CDKN2B-AS1: variants seen among roughly 807,000 people sequenced by gnomAD.
CDKN2B-AS1 encodes CDKN2B and CDKN2A antisense cis and trans regulatory RNA 1.
At chr9:22,101,665 A>AAC (rs748040681) in intron 4 of CDKN2B-AS1, among the ~76,000 whole-genome samples, 26,667 of 125,220 alleles carry the variant, frequency 0.21, 3,041 homozygotes, top group African/African-American at 0.33. Context: ...AACCCTCTTC[A>AAC]ACACACACAC....
At chr9:22,059,951 A>G (rs1298962421) in intron 4 of CDKN2B-AS1, among the ~76,000 whole-genome samples, 1 of 152,180 alleles carries the variant, frequency 6.6e-6, no homozygotes, top group Non-Finnish European at 1.5e-5. Context: ...GACACAGGGC[A>G]CTAAATCCCT....
chr9:22,102,864 T>G (rs1423148100), intron 4 of CDKN2B-AS1, among the ~76,000 whole-genome samples: 2 of 152,158 alleles, frequency 1.3e-5, no homozygotes, highest in Non-Finnish European at 2.9e-5. Context: ...CTGCCCTGCT[T>G]TATCAGCATT....
chr9:22,011,894 C>A (rs892097248), intron 1 of CDKN2B-AS1, among the ~76,000 whole-genome samples: 1 of 152,050 alleles, frequency 6.6e-6, no homozygotes, highest in South Asian at 2.1e-4. Flanking sequence ...TTGTCAGAGC[C>A]ATGTCTTTTA....
intron 3 of CDKN2B-AS1, among the ~76,000 whole-genome samples, chr9:22,054,822 G>A (rs115939893): frequency 0.087 from 13,061 of 150,448 alleles, 576 homozygotes; most frequent in Middle Eastern, 0.14. Context: ...CTCTGTCTCA[G>A]CTCACTGTAA....
chr9:22,051,409 T>G (rs1326855700), intron 3 of CDKN2B-AS1, among the ~76,000 whole-genome samples: 2 of 152,324 alleles, frequency 1.3e-5, no homozygotes, highest in South Asian at 2.1e-4. Flanking sequence ...GAGTTATGCT[T>G]ATAAGAGTAA....
intron 1 of CDKN2B-AS1, among the ~76,000 whole-genome samples, chr9:22,040,106 C>T (rs767367185): frequency 1.8e-4 from 27 of 152,122 alleles, no homozygotes; most frequent in African/African-American, 5.1e-4. Flanking sequence ...TAATCTCAGA[C>T]GTCTAGCTTC....
In CDKN2B-AS1 at chr9:22,001,641, TG is replaced by T. The variant is rs1820922956; in HGVS notation, n.29+6481del. ...TATTATGTAATTAATAGGGCCTATA[TG>T]TGAAAGTTACTGTGTTTCTGTAAAA... On this transcript the variant is annotated intron_variant and non_coding_transcript_variant, in intron 1 of 4. Coordinates refer to ENST00000650946, the Ensembl canonical transcript of CDKN2B-AS1. The surrounding 1 kb of genome is among the most constrained non-coding windows in gnomAD (Gnocchi z 4.2). Among the ~76,000 whole-genome samples, 2 of 152,144 alleles carry T rather than the reference TG, an allele frequency of 1.3e-5. No individual in the cohort carries two copies. Among genetic ancestry groups the T allele is most frequent in the Non-Finnish European group, 2.9e-5 (2 of 67,980 alleles).
At chr9:22,065,141 A>G (rs1170133785) in intron 4 of CDKN2B-AS1, among the ~76,000 whole-genome samples, 3 of 152,188 alleles carry the variant, frequency 2.0e-5, no homozygotes, top group Admixed American at 6.5e-5. Context: ...TTTGATGTGG[A>G]CTGGCATTCT....
intron 1 of CDKN2B-AS1, among the ~76,000 whole-genome samples, chr9:22,017,413 C>G (rs1189940936): frequency 1.3e-5 from 2 of 152,192 alleles, no homozygotes; most frequent in South Asian, 2.1e-4. Context: ...CCGTTTCACA[C>G]AAACCCAACT....
exon 5 of CDKN2B-AS1, among the ~76,000 whole-genome samples, chr9:22,127,893 T>A (rs75916091): frequency 6.6e-6 from 1 of 151,958 alleles, no homozygotes; most frequent in East Asian, 1.9e-4. Flanking sequence ...AAAAGTAGAG[T>A]GGTGAAATAA....
chr9:22,089,944 A>G (rs1307112943), intron 4 of CDKN2B-AS1, among the ~76,000 whole-genome samples: 2 of 151,452 alleles, frequency 1.3e-5, no homozygotes, highest in Non-Finnish European at 2.9e-5. Context: ...GTCATTTAAT[A>G]TTAGGTATAT....
chr9:22,106,378 G>T (rs1405610855), intron 4 of CDKN2B-AS1, among the ~76,000 whole-genome samples: 1 of 152,074 alleles, frequency 6.6e-6, no homozygotes, highest in Non-Finnish European at 1.5e-5. Context: ...ACTGTGCCCG[G>T]CCTAATTTTT....
At chr9:22,114,430 A>G (rs1331678735) in intron 4 of CDKN2B-AS1, among the ~76,000 whole-genome samples, 1 of 152,212 alleles carries the variant, frequency 6.6e-6, no homozygotes, top group Non-Finnish European at 1.5e-5. Context: ...ACCTTGTGGG[A>G]GAAAATGGAG....
intron 4 of CDKN2B-AS1, among the ~76,000 whole-genome samples, chr9:22,115,645 T>C (rs186101615): frequency 4.6e-5 from 7 of 151,818 alleles, no homozygotes; most frequent in African/African-American, 1.4e-4. Flanking sequence ...AACAAGTACA[T>C]GGGGTAGCAA....
At position 22,077,345 on chromosome 9, in the gene CDKN2B-AS1, A is replaced by T. The variant is rs573778877; in HGVS notation, n.438+20958A>T. Among the ~76,000 whole-genome samples the T allele has an allele frequency of 5.3e-5, 8 of 152,290 alleles. No individual in the cohort carries two copies. The East Asian group carries it at 1.5e-3, about 29-fold the overall frequency. ...CATGTAAATATTTAAAATTTGGGGTATATGTTATAGTACATGCCATTTAGG... is the reference window on the plus strand; with the variant it reads ...CATGTAAATATTTAAAATTTGGGGTTTATGTTATAGTACATGCCATTTAGG... On this transcript the variant is annotated intron_variant and non_coding_transcript_variant, in intron 4 of 4. Coordinates refer to ENST00000650946, the Ensembl canonical transcript of CDKN2B-AS1.
chr9:22,017,957 T>C (rs1460410270), intron 1 of CDKN2B-AS1, among the ~76,000 whole-genome samples: 1 of 152,232 alleles, frequency 6.6e-6, no homozygotes, highest in Non-Finnish European at 1.5e-5. Context: ...CTAGTGTTAA[T>C]GTTAGAATCT....
At chr9:22,110,349 G>C (rs1471935864) in intron 4 of CDKN2B-AS1, among the ~76,000 whole-genome samples, 1 of 152,062 alleles carries the variant, frequency 6.6e-6, no homozygotes, top group Non-Finnish European at 1.5e-5. Context: ...ACTATCACTT[G>C]GATGAGTAAA....
At chr9:22,010,194 A>G (rs1365513649) in intron 1 of CDKN2B-AS1, among the ~76,000 whole-genome samples, 1 of 152,094 alleles carries the variant, frequency 6.6e-6, no homozygotes, top group East Asian at 1.9e-4. Flanking sequence ...AACAGGCTGA[A>G]CCTGTCATTA....
chr9:22,059,569 A>G (rs543376872), intron 4 of CDKN2B-AS1, among the ~76,000 whole-genome samples: 1 of 152,188 alleles, frequency 6.6e-6, no homozygotes, highest in East Asian at 1.9e-4. Context: ...GCTTTTCCAG[A>G]TGAATAGTGT....
Sources: allele counts gnomAD v4.1 joint callset (sites outside exome capture counted in the v4.1 genomes callset), GRCh38; gene constraint gnomAD v4.1.1; non-coding constraint Gnocchi (gnomAD v3.1); transcripts MANE v1.5; gene names NCBI Gene and HGNC (gene_info 2026-07-23, HGNC 2026-07-21).